Variants in CTR9 observed in about 807,000 individuals in gnomAD.
CTR9 encodes CTR9 component of Paf1/RNA polymerase II complex.
In CTR9, 41 loss-of-function variants were observed where a neutral mutation model predicts 152.1. The observed-to-expected ratio is 0.27, with a 90% CI of 0.21 to 0.35. The LOEUF is 0.35. CTR9 is among the 10% of genes least tolerant of loss of function. The probability of loss-of-function intolerance (pLI) is 1.00; values close to 1 mark genes in which losing one functional copy is unlikely to be tolerated. For synonymous variants in CTR9, 476 were observed against 496.2 expected (o/e 0.96, Z 0.54); for missense variants, 917 against 1,424.4 (o/e 0.64, Z 5.73).
rs1010849560 is a variant in CTR9, at chr11:10,768,581, A to G, written c.2109+90A>G. 1.2e-5 allele frequency: 16 copies of G among 1,300,364 alleles called. No individual in the cohort carries two copies. The African/African-American group carries it at 1.5e-4, about 12-fold the overall frequency. 80.6% of individuals were successfully genotyped at this position (1,300,364 alleles called of 1,614,324 possible). A position where few individuals can be genotyped will look rare whatever the true frequency, so the allele number is the denominator to read the frequency against. ...CATTCTGGCCCTGTCATGGAGCTGCATGCTATCTCTTGTGATACTGTGTCT... is the reference window on the plus strand; with the variant it reads ...CATTCTGGCCCTGTCATGGAGCTGCGTGCTATCTCTTGTGATACTGTGTCT... On this transcript the variant is annotated intron_variant, in intron 16 of 24. Transcript: ENST00000361367.
At chr11:10,775,865 C>G (rs114386774) in intron 24 of CTR9, among the ~76,000 whole-genome samples, 3 of 152,064 alleles carry the variant, frequency 2.0e-5, no homozygotes, top group African/African-American at 7.2e-5. Context: ...AGAAACTTGA[C>G]CCTGTCATTT....
rs780442269 is a variant in CTR9 at position 10,764,144 on chromosome 11, C to G, written c.1227C>G (p.Pro409=). The part of the protein sequence containing the change: ...GHLKKVTEQY[P]DDVEAWIELA... ...TGAAGAAGGTCACAGAACAGTATCC[C>G]GATGATGTTGAAGCTTGGATTGAAT... The change falls in exon 10 of 25, where the codon CCC becomes CCG. Residue 409 remains proline, a synonymous_variant. Coordinates refer to ENST00000361367, the MANE Select transcript of CTR9 (RefSeq NM_014633.5). The G allele has an allele frequency of 6.2e-7, 1 of 1,614,066 alleles. No homozygotes were observed. Among genetic ancestry groups the G allele is most frequent in the African/African-American group, 1.3e-5 (1 of 75,028 alleles).
chr11:10,759,738 G>T (rs988291144), intron 5 of CTR9, among the ~76,000 whole-genome samples: 1 of 152,178 alleles, frequency 6.6e-6, no homozygotes, highest in Non-Finnish European at 1.5e-5. Context: ...ACTTGTTTGT[G>T]TTTTGGCATG....
intron 13 of CTR9, 139 bp downstream of exon 13, chr11:10,766,629 A>G: frequency 1.7e-6 from 1 of 603,200 alleles, no homozygotes. Context: ...GTTAGATACT[A>G]AAAATGTACT....
At chr11:10,775,660 T>C (rs762854011) in intron 24 of CTR9, 27 bp downstream of exon 24, 1 of 1,456,542 alleles carries the variant, frequency 6.9e-7, no homozygotes, top group Non-Finnish European at 9.6e-7. Context: ...TTGTAAATTC[T>C]TCTCATGATG....
intron 2 of CTR9, 95 bp downstream of exon 2, chr11:10,752,865 G>A (rs2135353397): frequency 2.1e-6 from 2 of 943,686 alleles, no homozygotes; most frequent in Non-Finnish European, 3.4e-6. Flanking sequence ...TGGCTGCATG[G>A]TAGATTAGTT....
intron 24 of CTR9, among the ~76,000 whole-genome samples, chr11:10,778,193 C>T (rs572486929): frequency 1.3e-5 from 2 of 152,268 alleles, no homozygotes; most frequent in Non-Finnish European, 2.9e-5. Context: ...TCTTCAGGTA[C>T]CTGTTAGCAC....
Position 10,767,592 on chromosome 11 carries a change from T to G in CTR9, c.1687-214T>G. The stretch of plus-strand genomic sequence containing the variant: ...CCAAATGTAAACTGAAAGCATTAAT[T>G]AAAGTGGTGCAATTTTGTATAACTT... On this transcript the variant is annotated intron_variant, in intron 13 of 24. Transcript: ENST00000361367. This position sits in a 1 kb window ranked among gnomAD's most constrained non-coding sequence, Gnocchi z 4.0. The G allele has an allele frequency of 1.9e-6, 1 of 521,112 alleles. No homozygotes were observed. Among genetic ancestry groups the G allele is most frequent in the Non-Finnish European group, 3.4e-6 (1 of 290,710 alleles). The allele number at this position is 521,112 out of a possible 1,614,324, so 32.3% of individuals were successfully genotyped here. A position where few individuals can be genotyped will look rare whatever the true frequency, so the allele number is the denominator to read the frequency against.
intron 16 of CTR9, 72 bp from the exon 17 acceptor site, chr11:10,770,138 C>A: frequency 2.8e-6 from 3 of 1,080,676 alleles, no homozygotes; most frequent in South Asian, 1.5e-5. Context: ...AATTGCAATG[C>A]CATTTTGCTA....
At position 10,751,383 on chromosome 11, in the gene CTR9, C is replaced by A; in HGVS notation, c.-30C>A. ...GACTACCGGCTGCGGAGCGGCGGGG[C>A]GAGACACTTGCTCGCCTTTTGACCC... On this transcript the variant is annotated 5_prime_UTR_variant, in exon 1 of 25. Coordinates refer to ENST00000361367, the MANE Select transcript of CTR9 (RefSeq NM_014633.5). 2.5e-6 allele frequency: 4 copies of A among 1,589,016 alleles called. No individual in the cohort carries two copies. The highest frequency in any genetic ancestry group is 3.4e-6 in the Non-Finnish European group (4 of 1,170,942).
chr11:10,756,956 A>C, intron 5 of CTR9, 118 bp downstream of exon 5: 2 of 801,520 alleles, frequency 2.5e-6, no homozygotes, highest in Non-Finnish European at 4.1e-6. Context: ...GAAATGTCAG[A>C]ATCAAGTTTT....
At chr11:10,777,146 T>C (rs1279443034) in intron 24 of CTR9, among the ~76,000 whole-genome samples, 1 of 152,028 alleles carries the variant, frequency 6.6e-6, no homozygotes, top group Admixed American at 6.6e-5. Context: ...CTTAGAAGAA[T>C]TGGGATTCCT....
intron 23 of CTR9, 44 bp from the exon 24 acceptor site, chr11:10,775,477 A>G: frequency 1.3e-6 from 2 of 1,516,112 alleles, no homozygotes; most frequent in Non-Finnish European, 1.8e-6. Flanking sequence ...AAGATGGCCT[A>G]ATGTAAGAGT....
intron 5 of CTR9, 111 bp from the exon 6 acceptor site, chr11:10,760,062 A>G: frequency 1.7e-6 from 2 of 1,151,664 alleles, no homozygotes; most frequent in Non-Finnish European, 2.5e-6. Flanking sequence ...AGTTATACTG[A>G]GGTTAATTTT....
At chr11:10,760,704 G>T (rs34128295) in intron 6 of CTR9, among the ~76,000 whole-genome samples, 318 of 152,098 alleles carry the variant, frequency 2.1e-3, no homozygotes, top group Non-Finnish European at 3.8e-3. Flanking sequence ...TTCATTGCAC[G>T]TAACAAAAAA....
At chr11:10,760,126 T>G in intron 5 of CTR9, 47 bp from the exon 6 acceptor site, 1 of 1,593,786 alleles carries the variant, frequency 6.3e-7, no homozygotes, top group Non-Finnish European at 8.6e-7. Context: ...GTAATTGAAC[T>G]CTAAAAAATG....
rs776053478 is a variant in CTR9 at position 10,771,559 on chromosome 11, T to C, written c.2387T>C (p.Leu796Ser). 6.2e-7 allele frequency: 1 copy of C among 1,609,060 alleles called. No individual in the cohort carries two copies. The highest frequency in any genetic ancestry group is 1.1e-5 in the South Asian group (1 of 90,934). ...LELAHRYFSY[L>S]SKVGDKMRFD... ...GTTTCATTTAGATACTTCAGTTATTTGAGTAAAGTGGGAGATAAAATGAGA... is the reference window on the plus strand; with the variant it reads ...GTTTCATTTAGATACTTCAGTTATTCGAGTAAAGTGGGAGATAAAATGAGA... Residue 796 changes from leucine to serine, a missense_variant, in exon 19 of 25, where the codon TTG becomes TCG. By Grantham distance (145) the Leu-to-Ser change is moderately radical. Transcript: ENST00000361367.
At chr11:10,754,256 C>G (rs1049092139) in intron 2 of CTR9, among the ~76,000 whole-genome samples, 1 of 152,180 alleles carries the variant, frequency 6.6e-6, no homozygotes, top group Non-Finnish European at 1.5e-5. Context: ...TTTGGTAGAT[C>G]TAGAACCAGA....
chr11:10,757,073 C>CT (rs1862896704), intron 5 of CTR9, among the ~76,000 whole-genome samples: 2 of 152,006 alleles, frequency 1.3e-5, no homozygotes. Flanking sequence ...CTACTTGAGC[C>CT]CAGGAGTTTG....
Sources: allele counts gnomAD v4.1 joint callset (sites outside exome capture counted in the v4.1 genomes callset), GRCh38; gene constraint gnomAD v4.1.1; non-coding constraint Gnocchi (gnomAD v3.1); transcripts MANE v1.5; gene names NCBI Gene and HGNC (gene_info 2026-07-23, HGNC 2026-07-21).